The following EPB41L2 variants were observed in gnomAD, a reference collection of about 807,000 sequenced individuals.
EPB41L2 encodes the protein band 4.1-like protein 2.
EPB41L2 carries 43 observed loss-of-function variants against 113.0 expected under a neutral mutation model. That is an observed-to-expected ratio of 0.38 (90% CI 0.30 to 0.49). EPB41L2 has a LOEUF of 0.49. Among genes scored for constraint, EPB41L2 ranks in the 20% least tolerant of loss-of-function variants. The pLI, the probability that EPB41L2 is intolerant of heterozygous loss-of-function variation, is 0.95. For missense variants in EPB41L2, 1,147 were observed against 1,223.4 expected, an observed-to-expected ratio of 0.94 and a Z score of 0.93; for synonymous variants, 442 against 436.7, an observed-to-expected ratio of 1.01 and a Z score of -0.15.
intron 3 of EPB41L2, among the ~76,000 whole-genome samples, chr6:130,931,410 A>G (rs1237436857): frequency 3.3e-5 from 5 of 152,174 alleles, no homozygotes; most frequent in Non-Finnish European, 5.9e-5. Flanking sequence ...AAAACACAGA[A>G]AAGTCACTCC....
chr6:130,857,513 G>T (rs1024894099), intron 19 of EPB41L2, among the ~76,000 whole-genome samples: 2 of 141,814 alleles, frequency 1.4e-5, no homozygotes, highest in Non-Finnish European at 1.5e-5. Context: ...CACAGTCAAA[G>T]AAATCTTTTC....
intron 13 of EPB41L2, 133 bp from the exon 14 acceptor site, chr6:130,878,383 G>C: frequency 9.7e-7 from 1 of 1,029,094 alleles, no homozygotes; most frequent in Non-Finnish European, 1.4e-6. Flanking sequence ...CAAGAAAAAT[G>C]CCAAGTCTCT....
At chr6:130,972,246 C>T (rs1322443601) in intron 1 of EPB41L2, among the ~76,000 whole-genome samples, 1 of 144,454 alleles carries the variant, frequency 6.9e-6, no homozygotes, top group African/African-American at 2.6e-5. Context: ...ATTGCTTGAA[C>T]TCAGGAGGTG....
chr6:130,942,553 C>T (rs1470917425), intron 3 of EPB41L2, among the ~76,000 whole-genome samples: 3 of 152,158 alleles, frequency 2.0e-5, no homozygotes, highest in Non-Finnish European at 4.4e-5. Flanking sequence ...GATTACATCC[C>T]TTCATTTGAT....
intron 3 of EPB41L2, among the ~76,000 whole-genome samples, chr6:130,951,270 G>GA (rs1320019881): frequency 7.2e-6 from 1 of 139,548 alleles, no homozygotes; most frequent in Admixed American, 7.1e-5. Context: ...AAAGGAGGGG[G>GA]AGGGGGGGAG....
chr6:130,986,909 AC>A (rs1161184268), intron 1 of EPB41L2, among the ~76,000 whole-genome samples: 2 of 152,178 alleles, frequency 1.3e-5, no homozygotes, highest in African/African-American at 4.8e-5. Context: ...ACACCCCAGT[AC>A]CCCCAGCAAT....
At chr6:130,932,243 T>C (rs915253179) in intron 3 of EPB41L2, among the ~76,000 whole-genome samples, 18 of 152,070 alleles carry the variant, frequency 1.2e-4, no homozygotes, top group African/African-American at 4.1e-4. Flanking sequence ...AATTAAATTA[T>C]TATGTATGCT....
intron 1 of EPB41L2, among the ~76,000 whole-genome samples, chr6:131,007,140 T>TCC (rs1276469410): frequency 6.6e-6 from 1 of 152,184 alleles, no homozygotes; most frequent in African/African-American, 2.4e-5. Context: ...TGGCTCTGTG[T>TCC]CCCCACTCAG....
chr6:130,917,226 A>G (rs1479384842), intron 4 of EPB41L2, among the ~76,000 whole-genome samples: 1 of 152,210 alleles, frequency 6.6e-6, no homozygotes, highest in African/African-American at 2.4e-5. Flanking sequence ...AACCCAAAAT[A>G]CAGTCATAAA....
chr6:130,922,437 T>G (rs1803161403), intron 4 of EPB41L2, among the ~76,000 whole-genome samples: 1 of 152,232 alleles, frequency 6.6e-6, no homozygotes, highest in South Asian at 2.1e-4. Context: ...TGTGCCCATT[T>G]TTACCTTGAC....
At chr6:131,034,957 A>T (rs983502613) in intron 1 of EPB41L2, among the ~76,000 whole-genome samples, 1 of 152,196 alleles carries the variant, frequency 6.6e-6, no homozygotes, top group African/African-American at 2.4e-5. Flanking sequence ...AGAAGGGAGA[A>T]AAGATTCTTC....
chr6:130,894,552 A>C (rs1793987766), intron 9 of EPB41L2, 111 bp from the exon 10 acceptor site: 1 of 935,252 alleles, frequency 1.1e-6, no homozygotes, highest in Non-Finnish European at 1.7e-6. Context: ...CTTCTCAAAA[A>C]AGGTAAATAT....
chr6:131,005,518 T>C (rs1785293871), intron 1 of EPB41L2, among the ~76,000 whole-genome samples: 1 of 151,922 alleles, frequency 6.6e-6, no homozygotes, highest in South Asian at 2.1e-4. Flanking sequence ...GAAAGGGGAG[T>C]GTTGGGGGGA....
chr6:130,865,723 T>A, intron 16 of EPB41L2, 89 bp from the exon 17 acceptor site: 1 of 1,321,884 alleles, frequency 7.6e-7, no homozygotes, highest in Non-Finnish European at 1.1e-6. Flanking sequence ...ATATGCATCT[T>A]TTAAAATCCA....
chr6:130,969,075 T>C (rs1265419942), intron 1 of EPB41L2, among the ~76,000 whole-genome samples: 2 of 152,302 alleles, frequency 1.3e-5, no homozygotes, highest in South Asian at 2.1e-4. Flanking sequence ...CAATATATTA[T>C]ATCATCCGTA....
At chr6:130,956,595 A>G (rs1207266469) in intron 1 of EPB41L2, 96 bp from the exon 2 acceptor site, 1 of 1,091,920 alleles carries the variant, frequency 9.2e-7, no homozygotes, top group African/African-American at 1.6e-5. Flanking sequence ...TGAGAAGAAG[A>G]GTAACAGATG....
chr6:131,028,914 C>A (rs539205481), intron 1 of EPB41L2, among the ~76,000 whole-genome samples: 1 of 152,272 alleles, frequency 6.6e-6, no homozygotes, highest in African/African-American at 2.4e-5. Context: ...TGTATACATA[C>A]AAATGCTATA....
intron 1 of EPB41L2, among the ~76,000 whole-genome samples, chr6:131,057,655 C>T (rs969238652): frequency 2.0e-5 from 3 of 152,138 alleles, no homozygotes; most frequent in Admixed American, 2.0e-4. Flanking sequence ...GTAATCAGAA[C>T]TATATGACAA....
At chr6:130,867,759 A>G in intron 15 of EPB41L2, 178 bp from the exon 16 acceptor site, 1 of 698,998 alleles carries the variant, frequency 1.4e-6, no homozygotes, top group Admixed American at 2.7e-5. Context: ...ATTTTCCTTC[A>G]AATATATCAT....
Sources: allele counts gnomAD v4.1 joint callset (sites outside exome capture counted in the v4.1 genomes callset), GRCh38; gene constraint gnomAD v4.1.1; transcripts MANE v1.5; gene names NCBI Gene and HGNC (gene_info 2026-07-23, HGNC 2026-07-21).